The following KATNAL1 variants were observed in gnomAD, a reference collection of about 807,000 sequenced individuals.
The protein encoded by KATNAL1 is katanin catalytic subunit A1 like 1.
In KATNAL1, 32 loss-of-function variants were observed where a neutral mutation model predicts 55.2. The ratio of observed to expected loss-of-function variants is 0.58; its 90% confidence interval spans 0.44 to 0.78. The LOEUF (loss-of-function observed/expected upper bound fraction) is 0.78. Ranked by LOEUF, KATNAL1 falls within the 30% of genes least tolerant of loss-of-function variation. KATNAL1 has a pLI of 0.00. For synonymous variants in KATNAL1, 193 were observed against 193.6 expected, an observed-to-expected ratio of 1.00 and a Z score of 0.02; for missense variants, 466 against 600.9, an observed-to-expected ratio of 0.78 and a Z score of 2.35.
At chr13:30,286,946 C>T (rs909942453) in intron 1 of KATNAL1, among the ~76,000 whole-genome samples, 5 of 152,214 alleles carry the variant, frequency 3.3e-5, no homozygotes, top group Non-Finnish European at 5.9e-5. Context: ...TTCAGAACTG[C>T]ATGGCCTATA....
intron 6 of KATNAL1, among the ~76,000 whole-genome samples, chr13:30,234,297 C>T (rs535750554): frequency 5.9e-5 from 9 of 152,336 alleles, no homozygotes; most frequent in Admixed American, 4.6e-4. Flanking sequence ...TCTCCTTCCT[C>T]TCACAGCCAA....
At chr13:30,217,592 T>G (rs1005247823) in intron 9 of KATNAL1, among the ~76,000 whole-genome samples, 1 of 152,166 alleles carries the variant, frequency 6.6e-6, no homozygotes, top group South Asian at 2.1e-4. Context: ...TAAATGTTGT[T>G]AGAGGAATCA....
intron 1 of KATNAL1, chr13:30,296,396 C>T (rs908089843): frequency 9.3e-7 from 1 of 1,070,886 alleles, no homozygotes; most frequent in African/African-American, 1.6e-5. Flanking sequence ...GTTCACCCAC[C>T]TGGCTTGGAT....
intron 1 of KATNAL1, among the ~76,000 whole-genome samples, chr13:30,286,429 G>A (rs777232238): frequency 3.3e-5 from 5 of 152,236 alleles, no homozygotes; most frequent in Non-Finnish European, 4.4e-5. Context: ...GGCTTCAGAG[G>A]GTACAAGCCC....
At chr13:30,231,732 T>A (rs951555523) in intron 6 of KATNAL1, among the ~76,000 whole-genome samples, 1 of 152,160 alleles carries the variant, frequency 6.6e-6, no homozygotes, top group African/African-American at 2.4e-5. Flanking sequence ...TCTCATATAT[T>A]TAGATATAAT....
intron 7 of KATNAL1, 57 bp downstream of exon 7, chr13:30,231,257 T>C: frequency 2.9e-6 from 4 of 1,377,538 alleles, no homozygotes; most frequent in Non-Finnish European, 3.9e-6. Flanking sequence ...AACTGATTTA[T>C]GGGGGCATCA....
In KATNAL1 at chr13:30,257,518, C is replaced by A. The variant is rs183785079; in HGVS notation, c.324-1903G>T. On this transcript the variant is annotated intron_variant, in intron 3 of 10. Transcript: ENST00000380615. ...GGCTGGGCTTGCTGTGACCTCACTG[C>A]TCAGGGTGCACTGCAGCAGGTCTCA... Among the ~76,000 whole-genome samples, 3 of 152,298 alleles carry A rather than the reference C, an allele frequency of 2.0e-5. No individual in the cohort carries two copies. In the South Asian group the frequency reaches 6.2e-4, roughly 32 times the overall value.
Position 30,298,660 on chromosome 13 carries a change from A to G in KATNAL1, c.-15+8671T>C, listed in dbSNP as rs77886306. ...TAAGCTTATTTGAAAAATAATCAAAAAGAACTTCTGGCATTAAAATATATA... is the reference window on the plus strand; with the variant it reads ...TAAGCTTATTTGAAAAATAATCAAAGAGAACTTCTGGCATTAAAATATATA... On this transcript the variant is annotated intron_variant, in intron 1 of 10. Transcript: ENST00000380615. Among the ~76,000 whole-genome samples the G allele has an allele frequency of 8.4e-3, 1,281 of 152,296 alleles. 19 individuals are homozygous for G. The highest frequency in any genetic ancestry group is 0.028 in the African/African-American group (1,157 of 41,566).
rs1175404792 is a variant in KATNAL1, at chr13:30,268,085, G to A, written c.323+11978C>T. On this transcript the variant is annotated intron_variant, in intron 3 of 10. Transcript: ENST00000380615. ...TGCCCCCTAGATATAGTAGCAAAGG[G>A]CCCATCCTCATGTGATTTATGACTC... Among the ~76,000 whole-genome samples, 4 of 152,160 alleles carry A rather than the reference G, an allele frequency of 2.6e-5. No individual in the cohort carries two copies. In the East Asian group the frequency reaches 5.8e-4, roughly 22 times the overall value.
At chr13:30,234,480 T>C (rs1028621465) in intron 6 of KATNAL1, among the ~76,000 whole-genome samples, 1 of 152,166 alleles carries the variant, frequency 6.6e-6, no homozygotes, top group African/African-American at 2.4e-5. Context: ...CCCCTCTTCT[T>C]GAAACCCTGA....
At chr13:30,278,192 G>T (rs1269752643) in intron 3 of KATNAL1, among the ~76,000 whole-genome samples, 1 of 150,986 alleles carries the variant, frequency 6.6e-6, no homozygotes, top group Non-Finnish European at 1.5e-5. Context: ...GTTGTTGATG[G>T]TATACATGGG....
rs565076344 is a variant in KATNAL1 at position 30,227,528 on chromosome 13, T to C, written c.1031A>G (p.Glu344Gly). Residue 344 changes from glutamate to glycine, a missense_variant, in exon 9 of 11, where the codon GAA becomes GGA. Physicochemically the swap from Glu to Gly is moderately conservative, Grantham distance 98 (BLOSUM62 -2). This residue lies in a region of KATNAL1 where 213 missense variants were observed against 308.6 expected (regional missense o/e 0.69). Transcript: ENST00000380615. ...AACCATTTTGGAAGGATCATCATTT[T>C]CTAAAGCTCCTCCAACTCCTATACA... ...IQMDGVGGAL[E>G]NDDPSKMVMV... 6.2e-7 allele frequency: 1 copy of C among 1,613,898 alleles called. No homozygotes were observed. Among genetic ancestry groups the C allele is most frequent in the East Asian group, 2.2e-5 (1 of 44,842 alleles).
chr13:30,248,916 G>A (rs144290085), intron 4 of KATNAL1, among the ~76,000 whole-genome samples: 2,865 of 152,256 alleles, frequency 0.019, 38 homozygotes, highest in Non-Finnish European at 0.031. Context: ...AAAATTAGCC[G>A]GGCGTGGTGG....
chr13:30,304,459 G>A lies in KATNAL1; in HGVS notation c.-15+2872C>T, dbSNP rs148471628. ...TAATTTTTATATTTTTAGGAGAAACGAGGTTTCACCATCTTGGCCAGGATG... is the reference window on the plus strand; with the variant it reads ...TAATTTTTATATTTTTAGGAGAAACAAGGTTTCACCATCTTGGCCAGGATG... On this transcript the variant is annotated intron_variant, in intron 1 of 10. Coordinates refer to ENST00000380615, the MANE Select transcript of KATNAL1 (RefSeq NM_032116.5). 7.2e-5 allele frequency among the ~76,000 whole-genome samples: 11 copies of A among 151,898 alleles called. No individual in the cohort carries two copies. The East Asian group carries it at 2.1e-3, about 29-fold the overall frequency.
intron 6 of KATNAL1, among the ~76,000 whole-genome samples, chr13:30,231,732 TTAGATA>T (rs1286448660): frequency 1.6e-4 from 25 of 152,278 alleles, no homozygotes; most frequent in Admixed American, 1.1e-3. Flanking sequence ...TCTCATATAT[TTAGATA>T]TAATCTCAGT....
chr13:30,298,235 G>T (rs1352953578), intron 1 of KATNAL1, among the ~76,000 whole-genome samples: 1 of 152,150 alleles, frequency 6.6e-6, no homozygotes, highest in Non-Finnish European at 1.5e-5. Context: ...CTGCAGTTTT[G>T]TCAGTTCTAG....
chr13:30,213,185 A>C (rs893349410), intron 9 of KATNAL1, among the ~76,000 whole-genome samples: 7 of 152,268 alleles, frequency 4.6e-5, no homozygotes, highest in Admixed American at 3.9e-4. Flanking sequence ...GAAATGGATA[A>C]ATTCCTCGAC....
intron 1 of KATNAL1, chr13:30,296,400 C>T (rs1162876251): frequency 1.5e-5 from 15 of 1,020,694 alleles, no homozygotes; most frequent in Non-Finnish European, 2.1e-5. Flanking sequence ...ACCCACCTGG[C>T]TTGGATTAAC....
chr13:30,243,553 G>A (rs1234918342), intron 4 of KATNAL1, among the ~76,000 whole-genome samples: 1 of 131,428 alleles, frequency 7.6e-6, no homozygotes, highest in Non-Finnish European at 1.5e-5. Context: ...CATTTAAGCT[G>A]AAGAAGTAAA....
Sources: allele counts gnomAD v4.1 joint callset (sites outside exome capture counted in the v4.1 genomes callset), GRCh38; gene constraint gnomAD v4.1.1; regional missense constraint gnomAD v4.1.1; transcripts MANE v1.5; gene names NCBI Gene and HGNC (gene_info 2026-07-23, HGNC 2026-07-21).